The following MEI1 variants were observed in gnomAD, a reference collection of about 807,000 sequenced individuals.
The protein encoded by MEI1 is meiosis inhibitor protein 1.
Under a neutral mutation model 146.2 loss-of-function variants are expected in MEI1, and 103 were observed. That is an observed-to-expected ratio of 0.70 (90% CI 0.60 to 0.83). The LOEUF (loss-of-function observed/expected upper bound fraction) is 0.83. MEI1 is among the 40% of genes least tolerant of loss of function. The pLI is 0.00. For synonymous variants in MEI1, 652 were observed against 628.2 expected, an observed-to-expected ratio of 1.04 and a Z score of -0.57; for missense variants, 1,529 against 1,533.0, an observed-to-expected ratio of 1.00 and a Z score of 0.04.
At chr22:41,710,491 A>G (rs1283630301) in intron 3 of MEI1, among the ~76,000 whole-genome samples, 3 of 152,230 alleles carry the variant, frequency 2.0e-5, no homozygotes, top group Non-Finnish European at 4.4e-5. Flanking sequence ...TCACCGCATC[A>G]AAATATATAC....
chr22:41,747,914 A>G (rs1026323823), intron 14 of MEI1, among the ~76,000 whole-genome samples, 193 bp from the exon 15 acceptor site: 3 of 152,152 alleles, frequency 2.0e-5, no homozygotes, highest in African/African-American at 7.2e-5. Flanking sequence ...CAGAAGCCCA[A>G]AGAGATAAAG....
At chr22:41,745,248 T>G (rs1294378062) in intron 13 of MEI1, among the ~76,000 whole-genome samples, 184 bp downstream of exon 13, 3 of 152,198 alleles carry the variant, frequency 2.0e-5, no homozygotes, top group Admixed American at 2.0e-4. Context: ...CAGCTAGGGG[T>G]AGGACCTTTC....
chr22:41,699,695 C>T lies in MEI1; in HGVS notation c.157C>T (p.Pro53Ser). 1.3e-6 allele frequency: 2 copies of T among 1,582,470 alleles called. No homozygotes were observed. Among genetic ancestry groups the T allele is most frequent in the Admixed American group, 1.8e-5 (1 of 54,536 alleles). Residue 53 changes from proline to serine, a missense_variant, in exon 1 of 31, where the codon CCG (proline) becomes TCG (serine). Around this residue, in one of 3 missense-constraint regions of MEI1, gnomAD observed 1,212 missense variants for 1,178.9 expected, o/e 1.03. Coordinates refer to ENST00000401548, the MANE Select transcript of MEI1 (RefSeq NM_152513.4). ...CCTGGCCTGCGCGCTGGAGCTGCTG[C>T]CGGACCCCGGCGTGTCGGTGCGGGC... Reference protein sequence around the residue: ...LCLACALELLPDPGVSLVRKK... With the variant: ...LCLACALELLSDPGVSLVRKK...
chr22:41,753,910 A>G, intron 16 of MEI1, 39 bp from the exon 17 acceptor site: 1 of 1,391,256 alleles, frequency 7.2e-7, no homozygotes, highest in Non-Finnish European at 1.0e-6. Context: ...CCAAAGTAGC[A>G]ATGTCATCTC....
intron 19 of MEI1, among the ~76,000 whole-genome samples, chr22:41,763,969 C>T (rs1210590267): frequency 2.7e-5 from 3 of 110,030 alleles, no homozygotes; most frequent in African/African-American, 7.0e-5. Flanking sequence ...TTTTTTGAGA[C>T]GGAGTCTCGC....
At chr22:41,732,775 A>AT (rs1169971077) in intron 11 of MEI1, among the ~76,000 whole-genome samples, 172 bp downstream of exon 11, 12 of 147,560 alleles carry the variant, frequency 8.1e-5, no homozygotes, top group African/African-American at 2.7e-4. Flanking sequence ...TGGATTGAAA[A>AT]ATTTTTTTTT....
chr22:41,765,413 C>T (rs113456849), intron 19 of MEI1, among the ~76,000 whole-genome samples: 7 of 152,112 alleles, frequency 4.6e-5, no homozygotes, highest in South Asian at 2.1e-4. Flanking sequence ...CGCAAGAGGT[C>T]GAGGCTGCAG....
At chr22:41,766,773 C>A (rs942489944) in intron 19 of MEI1, among the ~76,000 whole-genome samples, 1 of 152,076 alleles carries the variant, frequency 6.6e-6, no homozygotes, top group African/African-American at 2.4e-5. Context: ...CTCAGGCAAT[C>A]CCCCTGCCTT....
At chr22:41,748,431 C>A (rs533172427) in intron 15 of MEI1, among the ~76,000 whole-genome samples, 1 of 152,238 alleles carries the variant, frequency 6.6e-6, no homozygotes, top group East Asian at 1.9e-4. Flanking sequence ...TGCCTGTAAT[C>A]CTAGTGCTTT....
intron 7 of MEI1, among the ~76,000 whole-genome samples, chr22:41,724,613 T>C (rs1393952477): frequency 1.6e-5 from 2 of 122,036 alleles, no homozygotes; most frequent in Non-Finnish European, 3.3e-5. Flanking sequence ...CGAGACTCTG[T>C]CTCAAAAAAA....
At chr22:41,715,977 C>G in intron 4 of MEI1, 64 bp from the exon 5 acceptor site, 1 of 1,200,564 alleles carries the variant, frequency 8.3e-7, no homozygotes, top group Non-Finnish European at 1.2e-6. Context: ...AGGGAAAGAT[C>G]AGTTTTGGTG....
chr22:41,773,079 T>C (rs1231065146), intron 20 of MEI1, among the ~76,000 whole-genome samples: 1 of 152,182 alleles, frequency 6.6e-6, no homozygotes, highest in African/African-American at 2.4e-5. Context: ...GACCAAATAC[T>C]TAGAGTCTAC....
chr22:41,713,712 C>A (rs565544156), intron 3 of MEI1, among the ~76,000 whole-genome samples: 1 of 152,244 alleles, frequency 6.6e-6, no homozygotes, highest in South Asian at 2.1e-4. Context: ...CCATGTCCGG[C>A]TAATTTTGTT....
chr22:41,709,962 T>G (rs1347201971), intron 3 of MEI1, among the ~76,000 whole-genome samples: 4 of 151,954 alleles, frequency 2.6e-5, no homozygotes, highest in Non-Finnish European at 5.9e-5. Context: ...TGGGCTAAAT[T>G]TATATGTACC....
Position 41,748,148 on chromosome 22 carries a change from T to A in MEI1, c.1722T>A (p.Val574=). 1.9e-6 allele frequency: 3 copies of A among 1,614,026 alleles called. No individual in the cohort carries two copies. Among genetic ancestry groups the A allele is most frequent in the Non-Finnish European group, 2.5e-6 (3 of 1,179,888 alleles). ...EQTTHPALME[V]FLSILHNLFV... is the part of the protein sequence containing the mutation. ...CCACCCACCCAGCTTTGATGGAAGT[T>A]TTCCTCTCAATTCTACATAACCTCT... Residue 574 remains valine, a synonymous_variant, in exon 15 of 31, where the codon GTT becomes GTA. Transcript: ENST00000401548.
At chr22:41,719,398 G>A (rs1478864317) in intron 6 of MEI1, among the ~76,000 whole-genome samples, 1 of 152,124 alleles carries the variant, frequency 6.6e-6, no homozygotes, top group Admixed American at 6.5e-5. Flanking sequence ...TGTTGCCCAG[G>A]CTGGTCTCGA....
rs1299983229 is a variant in MEI1, at chr22:41,703,379, A to G, written c.223A>G (p.Arg75Gly). The change falls in exon 2 of 31, where the codon AGG becomes GGG. Residue 75 changes from arginine to glycine, a missense_variant. Physicochemically the swap from Arg to Gly is moderately radical, Grantham distance 125. Transcript: ENST00000401548. ...GTCCTGCTTCCAAGATGCCCTTGTG[A>G]GGCATACCTCCCTGGTCACGCAACT... ...MLSCFQDALV[R>G]HTSLVTQLVS... The G allele has an allele frequency of 6.2e-6, 10 of 1,612,012 alleles. No homozygotes were observed. Among genetic ancestry groups the G allele is most frequent in the African/African-American group, 2.7e-5 (2 of 74,908 alleles).
At chr22:41,796,137 T>C (rs555099785) in intron 30 of MEI1, among the ~76,000 whole-genome samples, 1 of 152,160 alleles carries the variant, frequency 6.6e-6, no homozygotes, top group South Asian at 2.1e-4. Flanking sequence ...CCTGTTAATA[T>C]TAAGTTCCTA....
At chr22:41,709,091 C>T in intron 3 of MEI1, 2 of 575,138 alleles carry the variant, frequency 3.5e-6, no homozygotes, top group South Asian at 3.6e-5. Flanking sequence ...CAAAATATAA[C>T]AGTGAAGTGT....
Sources: allele counts gnomAD v4.1 joint callset (sites outside exome capture counted in the v4.1 genomes callset), GRCh38; gene constraint gnomAD v4.1.1; regional missense constraint gnomAD v4.1.1; transcripts MANE v1.5; gene names NCBI Gene and HGNC (gene_info 2026-07-23, HGNC 2026-07-21).